CA10: variants seen among roughly 807,000 people sequenced by gnomAD.
CA10 encodes the protein carbonic anhydrase 10 (inactive).
Under a neutral mutation model 44.2 loss-of-function variants are expected in CA10, and 14 were observed. The observed-to-expected ratio is 0.32, with a 90% CI of 0.21 to 0.50. The LOEUF (loss-of-function observed/expected upper bound fraction) is 0.50. Ranked by LOEUF, CA10 falls within the 20% of genes least tolerant of loss-of-function variation. The pLI is 0.99. For missense variants in CA10, 350 were observed against 409.7 expected (o/e 0.85, Z 1.26); for synonymous variants, 159 against 141.6 (o/e 1.12, Z -0.87).
At chr17:51,943,398 A>G (rs1036668978) in intron 2 of CA10, among the ~76,000 whole-genome samples, 7 of 152,224 alleles carry the variant, frequency 4.6e-5, no homozygotes, top group African/African-American at 1.7e-4. Context: ...CTGGGCCTAT[A>G]AAAGGTGACT....
intron 3 of CA10, among the ~76,000 whole-genome samples, chr17:51,828,197 A>G (rs118035622): frequency 0.035 from 5,360 of 152,236 alleles, 136 homozygotes; most frequent in Admixed American, 0.057. Flanking sequence ...TAGGAGGTCT[A>G]AGGGGGTGGC....
chr17:52,098,491 C>A (rs1333407645), intron 1 of CA10, among the ~76,000 whole-genome samples: 1 of 152,162 alleles, frequency 6.6e-6, no homozygotes, highest in Non-Finnish European at 1.5e-5. Flanking sequence ...ACAATAACGA[C>A]CCAGCCCAGT....
intron 1 of CA10, among the ~76,000 whole-genome samples, chr17:52,115,782 T>C (rs1988882893): frequency 6.6e-6 from 1 of 152,158 alleles, no homozygotes; most frequent in Non-Finnish European, 1.5e-5. Flanking sequence ...GGGGTCCACC[T>C]CAGTCCAACA....
intron 2 of CA10, among the ~76,000 whole-genome samples, chr17:51,978,819 T>C (rs1187618159): frequency 6.6e-6 from 1 of 152,096 alleles, no homozygotes; most frequent in Non-Finnish European, 1.5e-5. Flanking sequence ...TCATTGCCCA[T>C]CTCTGGGTAC....
At chr17:51,854,953 T>C (rs1386096355) in intron 3 of CA10, among the ~76,000 whole-genome samples, 3 of 152,272 alleles carry the variant, frequency 2.0e-5, no homozygotes, top group Middle Eastern at 3.4e-3. Flanking sequence ...CACAGGGAGA[T>C]TGAGTAACTG....
intron 5 of CA10, among the ~76,000 whole-genome samples, chr17:51,653,248 T>C (rs1271131127): frequency 1.3e-5 from 2 of 152,184 alleles, no homozygotes; most frequent in African/African-American, 2.4e-5. Context: ...CTTCTTCCTA[T>C]GTTTACAAGG....
intron 3 of CA10, among the ~76,000 whole-genome samples, chr17:51,907,159 G>A (rs1286783809): frequency 4.6e-5 from 7 of 151,922 alleles, no homozygotes; most frequent in African/African-American, 9.7e-5. Flanking sequence ...ACCTGAATTC[G>A]CCCTCTGCTC....
At chr17:51,805,393 G>A (rs984551039) in intron 3 of CA10, among the ~76,000 whole-genome samples, 2 of 152,188 alleles carry the variant, frequency 1.3e-5, no homozygotes, top group African/African-American at 4.8e-5. Flanking sequence ...AAACAATTGA[G>A]TAACGAAGAC....
chr17:51,822,482 C>T (rs776635581), intron 3 of CA10, among the ~76,000 whole-genome samples: 2 of 152,058 alleles, frequency 1.3e-5, no homozygotes, highest in Non-Finnish European at 1.5e-5. Flanking sequence ...CCATCCTTGA[C>T]CACACTCACT....
intron 3 of CA10, among the ~76,000 whole-genome samples, chr17:51,853,272 A>G (rs1978883633): frequency 6.6e-6 from 1 of 152,218 alleles, no homozygotes; most frequent in African/African-American, 2.4e-5. Context: ...GCAGTGATCT[A>G]ATGCTGAAAG....
intron 4 of CA10, among the ~76,000 whole-genome samples, chr17:51,654,758 A>G (rs1226710664): frequency 2.6e-5 from 4 of 152,056 alleles, no homozygotes; most frequent in African/African-American, 7.2e-5. Context: ...GGGTTTCACC[A>G]TGTTACCCAG....
At chr17:51,714,979 G>T (rs1037298757) in intron 4 of CA10, among the ~76,000 whole-genome samples, 1 of 152,170 alleles carries the variant, frequency 6.6e-6, no homozygotes, top group African/African-American at 2.4e-5. Context: ...AATAATCATA[G>T]TTCTTATAGC....
chr17:51,835,289 C>T (rs1908434734), intron 3 of CA10, among the ~76,000 whole-genome samples: 1 of 152,104 alleles, frequency 6.6e-6, no homozygotes, highest in Non-Finnish European at 1.5e-5. Flanking sequence ...CAGCAGGCAG[C>T]AAGGTTGGCA....
At chr17:51,966,613 C>T (rs77435094) in intron 2 of CA10, among the ~76,000 whole-genome samples, 16,255 of 151,618 alleles carry the variant, frequency 0.11, 898 homozygotes, top group South Asian at 0.13. Context: ...GAAAGGACTC[C>T]CTATTCAATA....
At chr17:51,976,784 C>T (rs181032606) in intron 2 of CA10, among the ~76,000 whole-genome samples, 96 of 151,530 alleles carry the variant, frequency 6.3e-4, no homozygotes, top group Non-Finnish European at 1.2e-3. Flanking sequence ...AGGAAATCAA[C>T]AAGATCAAAA....
intron 2 of CA10, among the ~76,000 whole-genome samples, chr17:52,039,633 A>G (rs1291491518): frequency 6.6e-6 from 1 of 152,124 alleles, no homozygotes; most frequent in African/African-American, 2.4e-5. Context: ...TACCACCTTA[A>G]GCTGCATTAA....
intron 3 of CA10, among the ~76,000 whole-genome samples, chr17:51,821,695 G>T (rs1360890049): frequency 6.6e-6 from 1 of 151,998 alleles, no homozygotes; most frequent in Non-Finnish European, 1.5e-5. Context: ...AAAATCTGAA[G>T]TCCTCACAAG....
rs61586714 is a variant in CA10, at chr17:51,808,021, GA to G, written c.280-60204del. Among the ~76,000 whole-genome samples, 1,279 of 152,266 alleles carry G rather than the reference GA, an allele frequency of 8.4e-3. 17 individuals are homozygous for G. The highest frequency in any genetic ancestry group is 0.028 in the African/African-American group (1,179 of 41,520). ...TTATACCTCAATAGATGTAATGAAT[GA>G]AAAATAAAGTTTCCACTGTCATATC... On this transcript the variant is annotated intron_variant, in intron 3 of 8. Transcript: ENST00000451037.
At chr17:52,115,832 G>A (rs1200918004) in intron 1 of CA10, among the ~76,000 whole-genome samples, 1 of 152,210 alleles carries the variant, frequency 6.6e-6, no homozygotes, top group Non-Finnish European at 1.5e-5. Flanking sequence ...AGTGGCTCAC[G>A]CCTGTAATTC....
Sources: allele counts gnomAD v4.1 joint callset (sites outside exome capture counted in the v4.1 genomes callset), GRCh38; gene constraint gnomAD v4.1.1; transcripts MANE v1.5; gene names NCBI Gene and HGNC (gene_info 2026-07-23, HGNC 2026-07-21).